The following TFPI variants were observed in gnomAD, a reference collection of about 807,000 sequenced individuals.
The protein encoded by TFPI is tissue factor pathway inhibitor, also known as anti-convertin.
A neutral mutation model predicts 34.6 loss-of-function variants in TFPI; 15 were observed. The ratio of observed to expected loss-of-function variants is 0.43; its 90% CI spans 0.29 to 0.67. TFPI has a LOEUF of 0.67. Ranked by LOEUF, TFPI falls within the 30% of genes least tolerant of loss-of-function variation. The pLI is 0.15. For missense variants in TFPI, 301 were observed against 364.0 expected (o/e 0.83, Z 1.41); for synonymous variants, 105 against 120.1 (o/e 0.87, Z 0.82).
At chr2:187,497,208 G>A (rs771697558) in intron 2 of TFPI, 130 bp from the exon 3 acceptor site, 41 of 830,332 alleles carry the variant, frequency 4.9e-5, no homozygotes, top group Non-Finnish European at 7.2e-5. Context: ...ACTATAAAAA[G>A]TTATTCAGTT....
intron 1 of TFPI, among the ~76,000 whole-genome samples, chr2:187,551,975 T>G (rs930654812): frequency 6.6e-6 from 1 of 152,122 alleles, no homozygotes; most frequent in Non-Finnish European, 1.5e-5. Context: ...TCTTAGATCA[T>G]GTCCACATAG....
intron 1 of TFPI, among the ~76,000 whole-genome samples, chr2:187,530,021 A>T (rs1687880095): frequency 1.3e-5 from 2 of 152,324 alleles, no homozygotes; most frequent in East Asian, 3.9e-4. Flanking sequence ...AGAGTGAAGT[A>T]CTGGTCTGGG....
chr2:187,510,087 A>G (rs962702569), intron 1 of TFPI, among the ~76,000 whole-genome samples: 5 of 152,110 alleles, frequency 3.3e-5, no homozygotes, highest in Non-Finnish European at 5.9e-5. Context: ...GTACAGTCCA[A>G]CTCCAGCTAA....
At chr2:187,504,399 C>G (rs1686055925) in intron 1 of TFPI, among the ~76,000 whole-genome samples, 1 of 151,778 alleles carries the variant, frequency 6.6e-6, no homozygotes, top group African/African-American at 2.4e-5. Flanking sequence ...GTCCTCTTTC[C>G]CAGTTCATTA....
chr2:187,504,932 A>T (rs1686100496), intron 1 of TFPI, among the ~76,000 whole-genome samples: 1 of 152,108 alleles, frequency 6.6e-6, no homozygotes, highest in African/African-American at 2.4e-5. Flanking sequence ...CACTAGTGAG[A>T]TACATAACCT....
rs753935182 is a variant in TFPI at position 187,497,070 on chromosome 2, A to G, written c.130T>C (p.Leu44=). ...GAATGCATAAGTTTCAGTGGTGGCA[A>G]CTCCGTATCTATAAAGTAAAAATAA... ...EEHTIITDTE[L]PPLKLMHSFC... is the part of the protein sequence containing the mutation. Residue 44 remains leucine, a synonymous_variant, in exon 3 of 8, where the codon TTG becomes CTG. Coordinates refer to ENST00000233156, the MANE Select transcript of TFPI (RefSeq NM_006287.6). 3.7e-6 allele frequency: 6 copies of G among 1,612,160 alleles called. No homozygotes were observed. The highest frequency in any genetic ancestry group is 5.1e-6 in the Non-Finnish European group (6 of 1,179,096).
intron 5 of TFPI, 69 bp from the exon 6 acceptor site, chr2:187,484,285 G>C: frequency 7.5e-7 from 1 of 1,340,224 alleles, no homozygotes. Flanking sequence ...CTCATGAAGC[G>C]TACAACAGTT....
chr2:187,502,473 A>G (rs1356008790), intron 2 of TFPI, among the ~76,000 whole-genome samples: 1 of 152,138 alleles, frequency 6.6e-6, no homozygotes, highest in Non-Finnish European at 1.5e-5. Flanking sequence ...ATTTTAACCC[A>G]CCACCTTTTG....
At chr2:187,539,899 CTTTT>C (rs527567767) in intron 1 of TFPI, among the ~76,000 whole-genome samples, 1 of 137,888 alleles carries the variant, frequency 7.3e-6, no homozygotes. Context: ...ACGTCATCTT[CTTTT>C]TTTTTTTTTT....
At chr2:187,503,577 A>C in intron 2 of TFPI, 71 bp downstream of exon 2, 1 of 1,546,824 alleles carries the variant, frequency 6.5e-7, no homozygotes, top group Non-Finnish European at 8.8e-7. Context: ...ATGGAAAACT[A>C]TGGTAGATTT....
intron 1 of TFPI, chr2:187,518,190 T>C (rs1687136735): frequency 6.6e-6 from 1 of 152,270 alleles, no homozygotes; most frequent in East Asian, 1.9e-4. Flanking sequence ...ATTATAATGC[T>C]AGCTGGTTAT....
chr2:187,539,541 T>C (rs1688456554), intron 1 of TFPI, among the ~76,000 whole-genome samples: 1 of 152,210 alleles, frequency 6.6e-6, no homozygotes, highest in South Asian at 2.1e-4. Flanking sequence ...AATGTGTAAA[T>C]ACAGCAGATA....
intron 1 of TFPI, among the ~76,000 whole-genome samples, chr2:187,509,507 T>G (rs2106150852): frequency 6.6e-6 from 1 of 152,348 alleles, no homozygotes; most frequent in East Asian, 1.9e-4. Context: ...GGATTCAACT[T>G]CTTCCTGGTT....
chr2:187,476,885 G>C (rs948278705), intron 6 of TFPI, among the ~76,000 whole-genome samples: 12 of 152,034 alleles, frequency 7.9e-5, no homozygotes, highest in Non-Finnish European at 1.3e-4. Context: ...AGCTTGCATA[G>C]TATTAACTTG....
chr2:187,479,731 C>T (rs1369333938), intron 6 of TFPI, among the ~76,000 whole-genome samples: 1 of 151,202 alleles, frequency 6.6e-6, no homozygotes, highest in African/African-American at 2.4e-5. Flanking sequence ...CTTTAACTAT[C>T]ATTAGTGTTC....
intron 1 of TFPI, among the ~76,000 whole-genome samples, chr2:187,522,763 C>T (rs1393839979): frequency 6.8e-6 from 1 of 147,030 alleles, no homozygotes; most frequent in South Asian, 2.1e-4. Flanking sequence ...CGGTGGTGGG[C>T]GCCTGTAGTC....
Position 187,503,786 on chromosome 2 carries a change from C to G in TFPI, c.-2-16G>C. 8.1e-6 allele frequency: 13 copies of G among 1,609,488 alleles called. No homozygotes were observed. The highest frequency in any genetic ancestry group is 1.7e-4 in the Middle Eastern group (1 of 6,020). Reference sequence around the variant, plus strand: ...TAAATCATCTCTGAAATACAGAACCCATACATATCTAATAAATAAAGTGTT... The same window carrying G: ...TAAATCATCTCTGAAATACAGAACCGATACATATCTAATAAATAAAGTGTT... On this transcript the variant is annotated splice_polypyrimidine_tract_variant and intron_variant, in intron 1 of 7. Transcript: ENST00000233156.
intron 1 of TFPI, among the ~76,000 whole-genome samples, chr2:187,512,277 TA>T (rs143585752): frequency 0.012 from 1,319 of 110,308 alleles, 6 homozygotes; most frequent in Middle Eastern, 0.056. Flanking sequence ...TATCCTAAGT[TA>T]AAAAAAAAAA....
chr2:187,522,436 G>A (rs751992750), intron 1 of TFPI, among the ~76,000 whole-genome samples: 1 of 151,908 alleles, frequency 6.6e-6, no homozygotes, highest in Non-Finnish European at 1.5e-5. Context: ...TGTTCAATGG[G>A]TACAAAGTTT....
Sources: allele counts gnomAD v4.1 joint callset (sites outside exome capture counted in the v4.1 genomes callset), GRCh38; gene constraint gnomAD v4.1.1; transcripts MANE v1.5; gene names NCBI Gene and HGNC (gene_info 2026-07-23, HGNC 2026-07-21).